Variants in GOLGB1 observed in about 807,000 individuals in gnomAD.
GOLGB1 encodes golgin B1.
In GOLGB1, 174 loss-of-function variants were observed where a neutral mutation model predicts 336.9. The ratio of observed to expected loss-of-function variants is 0.52; its 90% CI spans 0.46 to 0.59. GOLGB1 has a LOEUF of 0.59. GOLGB1 is among the 20% of genes least tolerant of loss of function. The probability of loss-of-function intolerance (pLI) is 0.00; values close to 1 mark genes in which losing one functional copy is unlikely to be tolerated. For synonymous variants in GOLGB1, 1,208 were observed against 1,289.2 expected, an observed-to-expected ratio of 0.94 and a Z score of 1.35; for missense variants, 3,331 against 3,645.3, an observed-to-expected ratio of 0.91 and a Z score of 2.22.
intron 18 of GOLGB1, 192 bp from the exon 19 acceptor site, chr3:121,668,350 C>T (rs757793555): frequency 5.9e-5 from 25 of 425,956 alleles, no homozygotes; most frequent in Non-Finnish European, 8.7e-5. Flanking sequence ...ATTTTTCTCC[C>T]AGATTCTCAT....
In GOLGB1 at chr3:121,692,213, A is replaced by G. The variant is rs1384413508; in HGVS notation, c.7151T>C (p.Met2384Thr). The G allele has an allele frequency of 1.6e-5, 26 of 1,598,258 alleles. No homozygotes were observed. The highest frequency in any genetic ancestry group is 2.0e-5 in the Non-Finnish European group (24 of 1,175,446). ...LTSRLHEEIN[M>T]KEQKIISLLS... is the part of the protein sequence containing the mutation. ...CAGGCTTATAATCTTTTGCTCTTTCATATTTATTTCTTCATGCAGCCTACT... is the reference window on the plus strand; with the variant it reads ...CAGGCTTATAATCTTTTGCTCTTTCGTATTTATTTCTTCATGCAGCCTACT... Residue 2384 changes from methionine (M) to threonine (T), a missense_variant, in exon 14 of 22, where the codon ATG (methionine) becomes ACG (threonine). Physicochemically the swap from Met to Thr is moderately conservative, Grantham distance 81. Coordinates refer to ENST00000614479, the MANE Select transcript of GOLGB1 (RefSeq NM_001366282.2).
intron 18 of GOLGB1, chr3:121,668,459 G>C (rs1026915814): frequency 5.3e-6 from 1 of 187,456 alleles, no homozygotes. Flanking sequence ...TGGATCACAA[G>C]ATCAGGAGTT....
intron 1 of GOLGB1, among the ~76,000 whole-genome samples, chr3:121,739,399 A>G (rs973472712): frequency 2.0e-5 from 3 of 152,216 alleles, no homozygotes; most frequent in Non-Finnish European, 2.9e-5. Flanking sequence ...TCAAAAAAAC[A>G]GTTCAAAACT....
In GOLGB1 at chr3:121,695,654, A is replaced by G. The variant is rs572731739; in HGVS notation, c.4869T>C (p.Leu1623=). 4.3e-5 allele frequency: 69 copies of G among 1,613,240 alleles called. 1 individual carries two copies. The South Asian group carries it at 7.4e-4, about 17-fold the overall frequency. ...HKELQKEYEI[L]LQSYENVSNE... ...TACTAACATTCTCATAGGACTGCAGAAGAATTTCATACTCTTTTTGTAGCT... is the reference window on the plus strand; with the variant it reads ...TACTAACATTCTCATAGGACTGCAGGAGAATTTCATACTCTTTTTGTAGCT... Residue 1623 remains leucine (L), a synonymous_variant, in exon 13 of 22, where the codon CTT becomes CTC. Coordinates refer to ENST00000614479, the MANE Select transcript of GOLGB1 (RefSeq NM_001366282.2).
intron 1 of GOLGB1, among the ~76,000 whole-genome samples, chr3:121,738,305 G>T (rs1359123094): frequency 6.6e-6 from 1 of 152,126 alleles, no homozygotes; most frequent in Non-Finnish European, 1.5e-5. Context: ...GTAGCAAGGG[G>T]CCCCATGGAT....
chr3:121,687,601 AAT>A (rs1174733796), intron 14 of GOLGB1, among the ~76,000 whole-genome samples: 2 of 152,246 alleles, frequency 1.3e-5, no homozygotes, highest in Non-Finnish European at 2.9e-5. Context: ...GGAACAGAAT[AAT>A]ATGACTCTGA....
At chr3:121,692,874 C>A (rs1173459677) in intron 13 of GOLGB1, among the ~76,000 whole-genome samples, 1 of 152,130 alleles carries the variant, frequency 6.6e-6, no homozygotes, top group Non-Finnish European at 1.5e-5. Flanking sequence ...AACATTTTCT[C>A]CTATTTTATT....
At chr3:121,747,307 ATATATGTATATATGTG>A (rs1374482283) in intron 1 of GOLGB1, among the ~76,000 whole-genome samples, 3 of 143,738 alleles carry the variant, frequency 2.1e-5, no homozygotes, top group Non-Finnish European at 4.5e-5. Context: ...GTATATATGT[ATATATGTATATATGTG>A]TATATACGTA....
rs1474402846 is a variant in GOLGB1 at position 121,676,189 on chromosome 3, T to C, written c.9177+704A>G. ...CCTCTACATATGCAGGCACTGTGCT[T>C]TTCCACATGCATGATCACGTTTATT... On this transcript the variant is annotated intron_variant, in intron 17 of 21. Transcript: ENST00000614479. 2.0e-5 allele frequency among the ~76,000 whole-genome samples: 3 copies of C among 152,236 alleles called. No individual in the cohort carries two copies. The East Asian group carries it at 5.8e-4, about 29-fold the overall frequency.
chr3:121,664,199 C>T lies in GOLGB1; in HGVS notation c.*281G>A. The T allele has an allele frequency of 4.9e-6, 2 of 410,248 alleles. No individual in the cohort carries two copies. The highest frequency in any genetic ancestry group is 8.9e-6 in the Non-Finnish European group (2 of 224,866). The allele number at this position is 410,248 out of a possible 1,614,324, so 25.4% of individuals were successfully genotyped here. ...TTACAGGACCACAAAAGATCAGGGT[C>T]CTGCAAAATCTCAACAAATATTAGG... On this transcript the variant is annotated 3_prime_UTR_variant, in exon 22 of 22. Coordinates refer to ENST00000614479, the MANE Select transcript of GOLGB1 (RefSeq NM_001366282.2).
Position 121,695,860 on chromosome 3 carries a change from T to TG in GOLGB1, c.4662dup (p.Lys1555GlnfsTer21). 1 of 1,613,926 alleles carries TG rather than the reference T, an allele frequency of 6.2e-7. No individual in the cohort carries two copies. The highest frequency in any genetic ancestry group is 8.5e-7 in the Non-Finnish European group (1 of 1,179,784). On this transcript the variant is annotated frameshift_variant, in exon 13 of 22. Transcript: ENST00000614479. LOFTEE classifies it high-confidence loss of function. ...GACCTGTCCATTTCTGTAATGAGTT[T>TG]GTCTCTTTCTTCTTGAAGAAGAGCT...
At chr3:121,730,601 A>C (rs1424098834) in intron 2 of GOLGB1, among the ~76,000 whole-genome samples, 1 of 152,222 alleles carries the variant, frequency 6.6e-6, no homozygotes, top group Admixed American at 6.5e-5. Flanking sequence ...AAGGATGAGA[A>C]CAAAGGACTT....
chr3:121,747,326 T>C (rs183051583), intron 1 of GOLGB1, among the ~76,000 whole-genome samples: 26 of 142,024 alleles, frequency 1.8e-4, no homozygotes, highest in African/African-American at 6.2e-4. Flanking sequence ...TATATGTGTA[T>C]ATACGTATAT....
chr3:121,734,173 T>G (rs926262475), intron 1 of GOLGB1, among the ~76,000 whole-genome samples: 2 of 152,056 alleles, frequency 1.3e-5, no homozygotes, highest in Non-Finnish European at 2.9e-5. Flanking sequence ...GCAGATCAGT[T>G]GAGGCCAGGA....
chr3:121,672,324 A>G (rs1485771012), intron 17 of GOLGB1, among the ~76,000 whole-genome samples: 2 of 152,206 alleles, frequency 1.3e-5, no homozygotes, highest in Non-Finnish European at 2.9e-5. Flanking sequence ...AAGCTATTTC[A>G]GCAAAGGTGA....
intron 1 of GOLGB1, among the ~76,000 whole-genome samples, chr3:121,731,522 T>C (rs770607637): frequency 1.2e-4 from 19 of 152,136 alleles, no homozygotes; most frequent in South Asian, 2.1e-4. Flanking sequence ...TGCCCAAACA[T>C]GAATGTCTTA....
intron 14 of GOLGB1, among the ~76,000 whole-genome samples, chr3:121,689,252 A>G (rs890603903): frequency 3.3e-4 from 50 of 152,322 alleles, no homozygotes; most frequent in East Asian, 7.7e-4. Flanking sequence ...GATGGTTGCC[A>G]TGTCTGTGTA....
intron 11 of GOLGB1, 94 bp from the exon 12 acceptor site, chr3:121,699,979 AT>A (rs1560249770): frequency 1.4e-6 from 1 of 734,392 alleles, no homozygotes; most frequent in Non-Finnish European, 2.2e-6. Context: ...GTATGAAATA[AT>A]TTTTTAAAAA....
At chr3:121,747,754 T>C (rs1947468523) in intron 1 of GOLGB1, among the ~76,000 whole-genome samples, 1 of 152,100 alleles carries the variant, frequency 6.6e-6, no homozygotes, top group South Asian at 2.1e-4. Context: ...TGCTTACTTC[T>C]GGGAAGTGGG....
Sources: allele counts gnomAD v4.1 joint callset (sites outside exome capture counted in the v4.1 genomes callset), GRCh38; gene constraint gnomAD v4.1.1; transcripts MANE v1.5; gene names NCBI Gene and HGNC (gene_info 2026-07-23, HGNC 2026-07-21).